LAMA2: variants seen among roughly 807,000 people sequenced by gnomAD.
LAMA2 encodes laminin subunit alpha 2.
Under a neutral mutation model 364.8 loss-of-function variants are expected in LAMA2, and 269 were observed. The ratio of observed to expected loss-of-function variants is 0.74; its 90% CI spans 0.67 to 0.82. LAMA2 has a LOEUF of 0.82. Among genes scored for constraint, LAMA2 ranks in the 40% least tolerant of loss-of-function variants. The pLI, the probability that LAMA2 is intolerant of heterozygous loss-of-function variation, is 0.00. For missense variants in LAMA2, 3,807 were observed against 3,873.2 expected, an observed-to-expected ratio of 0.98 and a Z score of 0.45; for synonymous variants, 1,379 against 1,370.6, an observed-to-expected ratio of 1.01 and a Z score of -0.14.
intron 2 of LAMA2, among the ~76,000 whole-genome samples, chr6:129,053,863 T>C (rs568189054): frequency 2.4e-3 from 363 of 152,280 alleles, no homozygotes; most frequent in Non-Finnish European, 2.8e-3. Flanking sequence ...CAGAGGAGGT[T>C]GTGGAGTTGC....
Position 129,190,193 on chromosome 6 carries a change from CT to C in LAMA2, c.1468-9del, listed in dbSNP as rs771331987. The C allele has an allele frequency of 6.2e-7, 1 of 1,612,714 alleles. No homozygotes were observed. Among genetic ancestry groups the C allele is most frequent in the African/African-American group, 1.3e-5 (1 of 74,902 alleles). On this transcript the variant is annotated splice_polypyrimidine_tract_variant and intron_variant, in intron 10 of 64. Coordinates refer to ENST00000421865, the MANE Select transcript of LAMA2 (RefSeq NM_000426.4). Reference sequence around the variant, plus strand: ...GGATACCTCTGTTGCTGATACATCTCTTTATTTGCAGGAAAATGTTGAAGGA... The same window carrying C: ...GGATACCTCTGTTGCTGATACATCTCTTATTTGCAGGAAAATGTTGAAGGA...
At position 129,154,760 on chromosome 6, in the gene LAMA2, T is replaced by G. The variant is rs17056871; in HGVS notation, c.1206+77T>G. ...AAAAATGTTTTATACAAAAAAATAA[T>G]AATTTTGAAAGCTTCTGTAAACAGT... is the stretch of plus-strand genomic sequence containing the variant. On this transcript the variant is annotated intron_variant, in intron 8 of 64. Transcript: ENST00000421865. 30,867 of 1,215,024 alleles carry G rather than the reference T, an allele frequency of 0.025. 1,176 individuals are homozygous for G. Among genetic ancestry groups the G allele is most frequent in the East Asian group, 0.17 (6,853 of 40,372 alleles). 75.3% of individuals were successfully genotyped at this position (1,215,024 alleles called of 1,614,324 possible). A position where few individuals can be genotyped will look rare whatever the true frequency, so the allele number is the denominator to read the frequency against.
At chr6:129,430,301 A>G (rs556542218) in intron 41 of LAMA2, among the ~76,000 whole-genome samples, 21 of 152,296 alleles carry the variant, frequency 1.4e-4, no homozygotes, top group African/African-American at 4.6e-4. Context: ...TGAGGCCAGT[A>G]TACCCTCCAT....
intron 32 of LAMA2, among the ~76,000 whole-genome samples, chr6:129,363,249 A>ACT (rs1777570066): frequency 6.6e-6 from 1 of 152,158 alleles, no homozygotes; most frequent in African/African-American, 2.4e-5. Flanking sequence ...GGCCGCAGTG[A>ACT]GTCATGATCA....
intron 3 of LAMA2, among the ~76,000 whole-genome samples, chr6:129,065,699 G>A (rs1034144515): frequency 6.6e-6 from 1 of 152,106 alleles, no homozygotes; most frequent in Non-Finnish European, 1.5e-5. Flanking sequence ...ATTTAACCAA[G>A]AGGATTGCTA....
chr6:129,177,973 G>T (rs1583196759), intron 10 of LAMA2, 107 bp downstream of exon 10: 9 of 1,141,974 alleles, frequency 7.9e-6, no homozygotes. Flanking sequence ...ACTTCTGGAA[G>T]TATCCATAAT....
chr6:129,449,696 T>A (rs1782567813), intron 45 of LAMA2, among the ~76,000 whole-genome samples: 1 of 152,196 alleles, frequency 6.6e-6, no homozygotes, highest in Admixed American at 6.5e-5. Flanking sequence ...AGATTGGTTG[T>A]AACCTCTAGT....
chr6:129,490,829 T>C (rs1034519925), intron 56 of LAMA2: 1 of 152,184 alleles, frequency 6.6e-6, no homozygotes, highest in Admixed American at 6.5e-5. Flanking sequence ...TCTTTGAAAC[T>C]AAATTTTACC....
At chr6:129,088,736 G>T (rs1034022166) in intron 3 of LAMA2, among the ~76,000 whole-genome samples, 6 of 151,922 alleles carry the variant, frequency 3.9e-5, no homozygotes, top group Non-Finnish European at 7.4e-5. Context: ...GGGCAGAGGG[G>T]CTCCTCACTT....
intron 51 of LAMA2, among the ~76,000 whole-genome samples, chr6:129,469,813 A>G (rs1454490940): frequency 6.6e-6 from 1 of 151,954 alleles, no homozygotes; most frequent in Non-Finnish European, 1.5e-5. Context: ...AAATGGATGA[A>G]TATCCAAATA....
chr6:129,394,875 C>T (rs1007820887), intron 37 of LAMA2, among the ~76,000 whole-genome samples: 4 of 152,088 alleles, frequency 2.6e-5, no homozygotes, highest in Non-Finnish European at 5.9e-5. Flanking sequence ...TATGTATAGT[C>T]GGTATTGAAA....
chr6:129,112,238 T>A (rs968550327), intron 4 of LAMA2, among the ~76,000 whole-genome samples: 3 of 152,018 alleles, frequency 2.0e-5, no homozygotes, highest in South Asian at 2.1e-4. Context: ...GAAAAAATTA[T>A]CAGAATGATT....
chr6:129,329,448 G>A (rs1259004229), intron 29 of LAMA2, among the ~76,000 whole-genome samples: 3 of 152,002 alleles, frequency 2.0e-5, no homozygotes, highest in East Asian at 1.9e-4. Context: ...TGCAACCTCC[G>A]ACTCCCGGGT....
At chr6:129,246,242 A>G (rs1785743330) in intron 12 of LAMA2, among the ~76,000 whole-genome samples, 1 of 152,150 alleles carries the variant, frequency 6.6e-6, no homozygotes, top group Admixed American at 6.6e-5. Context: ...CTTGCTTTTA[A>G]TTACAGTCTC....
At chr6:129,277,301 TAA>T (rs1160360277) in intron 17 of LAMA2, among the ~76,000 whole-genome samples, 3 of 152,200 alleles carry the variant, frequency 2.0e-5, no homozygotes, top group African/African-American at 7.2e-5. Flanking sequence ...AAATTAGTGC[TAA>T]GTGACTGCAT....
chr6:129,289,832 T>A (rs952313464), intron 19 of LAMA2, among the ~76,000 whole-genome samples: 2 of 152,138 alleles, frequency 1.3e-5, no homozygotes, highest in Non-Finnish European at 2.9e-5. Flanking sequence ...ATAGATGTGA[T>A]TATAATTTTT....
At chr6:129,275,202 A>C (rs1433683735) in intron 17 of LAMA2, among the ~76,000 whole-genome samples, 1 of 152,038 alleles carries the variant, frequency 6.6e-6, no homozygotes, top group Non-Finnish European at 1.5e-5. Context: ...GGAAACAATC[A>C]ATTCAGCCAT....
chr6:129,330,591 G>GT (rs1491387157), intron 29 of LAMA2, among the ~76,000 whole-genome samples: 2,495 of 83,212 alleles, frequency 0.03, 108 homozygotes, highest in Non-Finnish European at 0.032. Flanking sequence ...GTTGTTGTTT[G>GT]GTTTTTGTTT....
In LAMA2 at chr6:129,515,128, G is replaced by C. The variant is rs569497926; in HGVS notation, c.9211+533G>C. Reference sequence around the variant, plus strand: ...CATTAAATATAGCATGTGAACTGTAGAGATTTACCTAAAGTGCCCATAAAC... The same window carrying C: ...CATTAAATATAGCATGTGAACTGTACAGATTTACCTAAAGTGCCCATAAAC... On this transcript the variant is annotated intron_variant, in intron 64 of 64. Transcript: ENST00000421865. Among the ~76,000 whole-genome samples, 4 of 152,268 alleles carry C rather than the reference G, an allele frequency of 2.6e-5. No individual in the cohort carries two copies. The East Asian group carries it at 7.7e-4, about 29-fold the overall frequency.
Sources: gnomAD v4.1 joint callset for allele counts (sites outside exome capture counted in the v4.1 genomes callset) on GRCh38, gnomAD v4.1.1 for gene constraint, MANE v1.5 for transcripts, NCBI Gene and HGNC (gene_info 2026-07-23, HGNC 2026-07-21) for gene names.